Variants in SNTN observed in about 807,000 individuals in gnomAD.
SNTN encodes sentan.
In SNTN, 13 loss-of-function variants were observed where a neutral mutation model predicts 12.3. That is an observed-to-expected ratio of 1.05 (90% confidence interval 0.69 to 1.67). The LOEUF (loss-of-function observed/expected upper bound fraction) is 1.67, where lower values mean the gene tolerates loss of function less well. Among genes scored for constraint, SNTN ranks in the 40% most tolerant of loss-of-function variants. SNTN has a pLI of 0.00. For missense variants in SNTN, 189 were observed against 169.8 expected, an observed-to-expected ratio of 1.11 and a Z score of -0.63; for synonymous variants, 69 against 58.5, an observed-to-expected ratio of 1.18 and a Z score of -0.82.
Position 63,659,817 on chromosome 3 carries a change from G to C in SNTN, c.238G>C (p.Ala80Pro). 6.2e-7 allele frequency: 1 copy of C among 1,613,954 alleles called. No homozygotes were observed. Among genetic ancestry groups the C allele is most frequent in the Non-Finnish European group, 8.5e-7 (1 of 1,179,934 alleles). The change falls in exon 3 of 4, where the codon GCT becomes CCT. Residue 80 changes from alanine to proline, a missense_variant. Transcript: ENST00000343837. ...SSDSDGKLEK[A>P]IAKDLLQTQF... ...TGACTCTGATGGTAAACTTGAAAAA[G>C]CTATTGCCAAAGATCTGCTGCAAAC...
intron 2 of SNTN, among the ~76,000 whole-genome samples, chr3:63,657,301 G>C (rs778827103): frequency 9.9e-5 from 15 of 152,110 alleles, no homozygotes; most frequent in Non-Finnish European, 1.9e-4. Flanking sequence ...CCCCATTCCA[G>C]AGGCAAGAGA....
chr3:63,660,397 C>T (rs930770385), intron 3 of SNTN, among the ~76,000 whole-genome samples: 8 of 152,110 alleles, frequency 5.3e-5, no homozygotes, highest in African/African-American at 1.9e-4. Flanking sequence ...TGTCTACGTC[C>T]AGGCCTAAGA....
chr3:63,664,960 C>T lies in SNTN; in HGVS notation c.*865C>T, dbSNP rs1287565764. Among the ~76,000 whole-genome samples the T allele has an allele frequency of 2.6e-5, 4 of 151,772 alleles. No homozygotes were observed. The highest frequency in any genetic ancestry group is 4.4e-5 in the Non-Finnish European group (3 of 67,954). ...TAGTGGAGACGGGGTTTCGCCATGT[C>T]GGCCAGGCTGGTCTCGAACTCCTGA... On this transcript the variant is annotated 3_prime_UTR_variant, in exon 4 of 4. Transcript: ENST00000343837.
chr3:63,653,403 AAAT>A (rs1453107662), intron 1 of SNTN, among the ~76,000 whole-genome samples: 1 of 152,114 alleles, frequency 6.6e-6, no homozygotes, highest in Non-Finnish European at 1.5e-5. Context: ...CTTATAAAGG[AAAT>A]AATAATGGTG....
chr3:63,659,665 G>A, intron 2 of SNTN, 60 bp from the exon 3 acceptor site: 1 of 1,598,596 alleles, frequency 6.3e-7, no homozygotes, highest in East Asian at 2.2e-5. Flanking sequence ...CACAACAGCA[G>A]GTCTGGGGAA....
intron 2 of SNTN, among the ~76,000 whole-genome samples, chr3:63,657,540 G>A (rs564087415): frequency 8.5e-5 from 13 of 152,218 alleles, no homozygotes; most frequent in African/African-American, 2.4e-4. Flanking sequence ...AGAGTTCCTC[G>A]TTATCTTTTA....
intron 3 of SNTN, among the ~76,000 whole-genome samples, chr3:63,662,401 C>T (rs1700752316): frequency 6.6e-6 from 1 of 152,136 alleles, no homozygotes; most frequent in African/African-American, 2.4e-5. Context: ...ACCTTATAGC[C>T]AGTCAGATAG....
rs1276183435 is a variant in SNTN, at chr3:63,664,248, A to G, written c.*153A>G. On this transcript the variant is annotated 3_prime_UTR_variant, in exon 4 of 4. Coordinates refer to ENST00000343837, the MANE Select transcript of SNTN (RefSeq NM_001080537.2). ...GGTATTCAGATCCAATGTAACTCCA[A>G]ATATTTACCCATACACTTCAAGAAT... The G allele has an allele frequency of 1.5e-6, 1 of 663,792 alleles. No homozygotes were observed. The highest frequency in any genetic ancestry group is 2.8e-5 in the East Asian group (1 of 35,498). 41.1% of individuals were successfully genotyped at this position (663,792 alleles called of 1,614,324 possible).
chr3:63,659,836 T>C lies in SNTN; in HGVS notation c.257T>C (p.Leu86Pro), dbSNP rs753195362. ...GAAAAAGCTATTGCCAAAGATCTGC[T>C]GCAAACCCAATTTAGGAATTTCGCA... Reference protein sequence around the residue: ...KLEKAIAKDLLQTQFRNFAEG... With the variant: ...KLEKAIAKDLPQTQFRNFAEG... Residue 86 changes from leucine to proline, a missense_variant, in exon 3 of 4, where the codon CTG becomes CCG. By Grantham distance (98) the Leu-to-Pro change is moderately conservative. Coordinates refer to ENST00000343837, the MANE Select transcript of SNTN (RefSeq NM_001080537.2). 6.2e-7 allele frequency: 1 copy of C among 1,614,074 alleles called. No individual in the cohort carries two copies. Among genetic ancestry groups the C allele is most frequent in the South Asian group, 1.1e-5 (1 of 91,076 alleles).
chr3:63,662,078 C>T (rs935545080), intron 3 of SNTN, among the ~76,000 whole-genome samples: 3 of 152,130 alleles, frequency 2.0e-5, no homozygotes, highest in Non-Finnish European at 2.9e-5. Context: ...TAATCTTGCC[C>T]TCTGCTCAAG....
intron 1 of SNTN, 130 bp downstream of exon 1, chr3:63,652,927 GC>G (rs1055598889): frequency 2.8e-6 from 2 of 708,336 alleles, no homozygotes; most frequent in Admixed American, 5.9e-5. Context: ...CCCTAATCCG[GC>G]TTTAAATTGA....
At chr3:63,663,266 A>G (rs1700761253) in intron 3 of SNTN, among the ~76,000 whole-genome samples, 1 of 152,186 alleles carries the variant, frequency 6.6e-6, no homozygotes, top group Admixed American at 6.5e-5. Flanking sequence ...AAGTCTCTTA[A>G]TTATCACCTG....
chr3:63,656,381 A>G (rs986824248), intron 2 of SNTN, among the ~76,000 whole-genome samples: 1 of 152,180 alleles, frequency 6.6e-6, no homozygotes, highest in Non-Finnish European at 1.5e-5. Flanking sequence ...ATATAGTCCA[A>G]TGTGCTATAC....
intron 1 of SNTN, 108 bp from the exon 2 acceptor site, chr3:63,654,654 T>G (rs1700656017): frequency 3.1e-6 from 3 of 961,830 alleles, no homozygotes; most frequent in Non-Finnish European, 4.7e-6. Context: ...TCTCAGAGAA[T>G]GTTTACCAAA....
rs767927433 is a variant in SNTN, at chr3:63,664,126, G to A, written c.*31G>A. 7 of 1,527,052 alleles carry A rather than the reference G, an allele frequency of 4.6e-6. No homozygotes were observed. The highest frequency in any genetic ancestry group is 2.1e-5 in the Admixed American group (1 of 48,396). 94.6% of individuals were successfully genotyped at this position (1,527,052 alleles called of 1,614,324 possible). ...TTTAAATATGCTGTATAAAATAATG[G>A]CAAAAGACAGTGTTATTAAAATGTT... On this transcript the variant is annotated 3_prime_UTR_variant, in exon 4 of 4. Transcript: ENST00000343837.
chr3:63,657,397 G>C (rs1031476489), intron 2 of SNTN, among the ~76,000 whole-genome samples: 1 of 152,136 alleles, frequency 6.6e-6, no homozygotes, highest in African/African-American at 2.4e-5. Context: ...TCACATACTA[G>C]TTCCCAACTC....
At chr3:63,655,752 TC>T (rs1700672790) in intron 2 of SNTN, among the ~76,000 whole-genome samples, 1 of 152,116 alleles carries the variant, frequency 6.6e-6, no homozygotes, top group Non-Finnish European at 1.5e-5. Context: ...ATGATTCATC[TC>T]CCCAGAATGT....
At chr3:63,655,566 T>C (rs1700669753) in intron 2 of SNTN, among the ~76,000 whole-genome samples, 1 of 152,196 alleles carries the variant, frequency 6.6e-6, no homozygotes, top group Non-Finnish European at 1.5e-5. Flanking sequence ...TTTTGAGAAT[T>C]GTCCCATCAC....
Position 63,664,156 on chromosome 3 carries a change from T to C in SNTN, c.*61T>C. 2 of 1,449,956 alleles carry C rather than the reference T, an allele frequency of 1.4e-6. No individual in the cohort carries two copies. Among genetic ancestry groups the C allele is most frequent in the South Asian group, 2.8e-5 (2 of 71,984 alleles). 89.8% of individuals were successfully genotyped at this position (1,449,956 alleles called of 1,614,324 possible). A position where few individuals can be genotyped will look rare whatever the true frequency, so the allele number is the denominator to read the frequency against. On this transcript the variant is annotated 3_prime_UTR_variant, in exon 4 of 4. Coordinates refer to ENST00000343837, the MANE Select transcript of SNTN (RefSeq NM_001080537.2). ...AGACAGTGTTATTAAAATGTTTCCA[T>C]CTTATTTTTGATTAATTGAATATAT... is the stretch of plus-strand genomic sequence containing the variant.
Sources: gnomAD v4.1 joint callset for allele counts (sites outside exome capture counted in the v4.1 genomes callset) on GRCh38, gnomAD v4.1.1 for gene constraint, MANE v1.5 for transcripts, NCBI Gene and HGNC (gene_info 2026-07-23, HGNC 2026-07-21) for gene names.